Variants in B3GALT1 observed in about 807,000 individuals in gnomAD.
The protein encoded by B3GALT1 is UDP-Gal:betaGlcNAc beta 1,3-galactosyltransferase, polypeptide 1.
B3GALT1 carries 10 observed loss-of-function variants against 23.2 expected under a neutral mutation model. The observed-to-expected ratio is 0.43, with a 90% confidence interval of 0.27 to 0.73. B3GALT1 has a LOEUF of 0.73. B3GALT1 is among the 30% of genes least tolerant of loss of function. The pLI, the probability that B3GALT1 is intolerant of heterozygous loss-of-function variation, is 0.21. For synonymous variants in B3GALT1, 156 were observed against 141.5 expected, an observed-to-expected ratio of 1.10 and a Z score of -0.73; for missense variants, 299 against 405.4, an observed-to-expected ratio of 0.74 and a Z score of 2.25.
intron 2 of B3GALT1, among the ~76,000 whole-genome samples, chr2:167,515,574 G>C (rs1183360796): frequency 1.3e-5 from 2 of 152,030 alleles, no homozygotes; most frequent in Non-Finnish European, 2.9e-5. Flanking sequence ...ATGATGTGTT[G>C]CTAGTATTTT....
intron 2 of B3GALT1, among the ~76,000 whole-genome samples, chr2:167,583,173 T>C (rs537609609): frequency 6.6e-6 from 1 of 152,312 alleles, no homozygotes; most frequent in South Asian, 2.1e-4. Flanking sequence ...GCCTCATGAG[T>C]CAGACATTCT....
At chr2:167,815,571 T>C (rs1024517347) in intron 3 of B3GALT1, among the ~76,000 whole-genome samples, 15 of 152,182 alleles carry the variant, frequency 9.9e-5, no homozygotes, top group Admixed American at 7.2e-4. Flanking sequence ...CTAAATCTCA[T>C]GTCCAAATAT....
intron 1 of B3GALT1, among the ~76,000 whole-genome samples, chr2:167,378,214 T>C: frequency 6.6e-6 from 1 of 152,180 alleles, no homozygotes; most frequent in East Asian, 1.9e-4. Context: ...GGGGTTCCCT[T>C]AGTCTGTGAT....
intron 1 of B3GALT1, among the ~76,000 whole-genome samples, chr2:167,405,204 T>C (rs190416360): frequency 6.6e-6 from 1 of 152,290 alleles, no homozygotes; most frequent in Non-Finnish European, 1.5e-5. Flanking sequence ...AATGCTATTA[T>C]TTAAGTATCT....
intron 1 of B3GALT1, among the ~76,000 whole-genome samples, chr2:167,436,411 C>T (rs917528625): frequency 1.2e-4 from 18 of 152,090 alleles, no homozygotes; most frequent in African/African-American, 4.3e-4. Context: ...CAGGTTTCTA[C>T]GAATACTTGT....
chr2:167,562,905 C>G (rs1684039209), intron 2 of B3GALT1, among the ~76,000 whole-genome samples: 1 of 152,056 alleles, frequency 6.6e-6, no homozygotes, highest in African/African-American at 2.4e-5. Context: ...TCTTGCACCG[C>G]CCTTAATCCA....
At chr2:167,581,815 C>G (rs931552189) in intron 2 of B3GALT1, among the ~76,000 whole-genome samples, 5 of 152,082 alleles carry the variant, frequency 3.3e-5, no homozygotes, top group Non-Finnish European at 5.9e-5. Context: ...GGTAGCTATC[C>G]TGTTTATTTA....
At chr2:167,719,803 G>A (rs1011319258) in intron 3 of B3GALT1, among the ~76,000 whole-genome samples, 8 of 151,982 alleles carry the variant, frequency 5.3e-5, no homozygotes, top group Non-Finnish European at 1.0e-4. Flanking sequence ...ATGGTGGCAC[G>A]TGCCTGTAAT....
chr2:167,670,643 A>G (rs1370784800), intron 3 of B3GALT1, among the ~76,000 whole-genome samples: 1 of 152,240 alleles, frequency 6.6e-6, no homozygotes, highest in Non-Finnish European at 1.5e-5. Context: ...AAGCAAACAC[A>G]GATAACTCAA....
At chr2:167,807,955 C>G (rs1361085595) in intron 3 of B3GALT1, among the ~76,000 whole-genome samples, 1 of 152,086 alleles carries the variant, frequency 6.6e-6, no homozygotes, top group Non-Finnish European at 1.5e-5. Flanking sequence ...TTGTAGGTCT[C>G]TAAGGACTTG....
At chr2:167,296,962 C>T (rs1191109310) in intron 1 of B3GALT1, among the ~76,000 whole-genome samples, 1 of 152,118 alleles carries the variant, frequency 6.6e-6, no homozygotes, top group Non-Finnish European at 1.5e-5. Flanking sequence ...TATATGTCCC[C>T]ACTCATATAT....
At chr2:167,824,136 G>A (rs1172065388) in intron 4 of B3GALT1, among the ~76,000 whole-genome samples, 1 of 152,210 alleles carries the variant, frequency 6.6e-6, no homozygotes, top group Non-Finnish European at 1.5e-5. Context: ...AAGAACCCAT[G>A]ATGGGGACTT....
At chr2:167,701,839 G>A (rs755643423) in intron 3 of B3GALT1, among the ~76,000 whole-genome samples, 1 of 152,168 alleles carries the variant, frequency 6.6e-6, no homozygotes, top group Non-Finnish European at 1.5e-5. Context: ...CCATCAACAT[G>A]CTACATCAAG....
intron 2 of B3GALT1, among the ~76,000 whole-genome samples, chr2:167,572,413 T>G (rs1269064193): frequency 6.6e-6 from 1 of 151,814 alleles, no homozygotes; most frequent in Non-Finnish European, 1.5e-5. Flanking sequence ...CCAGAAAACG[T>G]TTTTCAGATT....
chr2:167,828,223 G>A (rs762364974), intron 4 of B3GALT1, among the ~76,000 whole-genome samples: 30 of 152,090 alleles, frequency 2.0e-4, no homozygotes, highest in Admixed American at 7.2e-4. Flanking sequence ...TTTGGAAAAC[G>A]CCCTATAATG....
chr2:167,324,930 G>A (rs1006778430), intron 1 of B3GALT1, among the ~76,000 whole-genome samples: 1 of 151,954 alleles, frequency 6.6e-6, no homozygotes, highest in Non-Finnish European at 1.5e-5. Context: ...CCTCTACGTG[G>A]TCTACTTCTG....
At chr2:167,803,806 C>T (rs1457116919) in intron 3 of B3GALT1, among the ~76,000 whole-genome samples, 3 of 151,844 alleles carry the variant, frequency 2.0e-5, no homozygotes, top group African/African-American at 4.8e-5. Flanking sequence ...TTCACACTCT[C>T]GTTCTGTCAC....
chr2:167,771,717 C>CATAGCCATTT lies in B3GALT1; in HGVS notation c.-351-46955_-351-46954insATAGCCATTT, dbSNP rs542303708. ...TACATGCATTTTTAACATGAGAAGACTCAGATAGACATAGCCATTTTCAAT... is the reference window on the plus strand; with the variant it reads ...TACATGCATTTTTAACATGAGAAGACATAGCCATTTTCAGATAGACATAGCCATTTTCAAT... On this transcript the variant is annotated intron_variant, in intron 3 of 4. Transcript: ENST00000392690. Among the ~76,000 whole-genome samples the CATAGCCATTT allele has an allele frequency of 3.3e-5, 5 of 152,250 alleles. No individual in the cohort carries two copies. The East Asian group carries it at 9.6e-4, about 29-fold the overall frequency.
chr2:167,349,243 C>A (rs1236598448), intron 1 of B3GALT1, among the ~76,000 whole-genome samples: 1 of 152,168 alleles, frequency 6.6e-6, no homozygotes, highest in Non-Finnish European at 1.5e-5. Context: ...AATTTCCCAG[C>A]TCCTCAATCC....
Sources: gnomAD v4.1 joint callset for allele counts (sites outside exome capture counted in the v4.1 genomes callset) on GRCh38, gnomAD v4.1.1 for gene constraint, MANE v1.5 for transcripts, NCBI Gene and HGNC (gene_info 2026-07-23, HGNC 2026-07-21) for gene names.